The following SUCLG2 variants were observed in gnomAD, a reference collection of about 807,000 sequenced individuals.
The protein encoded by SUCLG2 is succinate--CoA ligase [GDP-forming] subunit beta, mitochondrial.
In SUCLG2, 42 loss-of-function variants were observed where a neutral mutation model predicts 47.9. That is an observed-to-expected ratio of 0.88 (90% CI 0.69 to 1.14). The LOEUF is 1.14. SUCLG2 is among the 50% of genes most tolerant of loss of function. SUCLG2 has a pLI of 0.00. For synonymous variants in SUCLG2, 195 were observed against 197.3 expected (o/e 0.99, Z 0.10); for missense variants, 571 against 525.9 (o/e 1.09, Z -0.84).
intron 9 of SUCLG2, among the ~76,000 whole-genome samples, chr3:67,485,589 C>T (rs1410030220): frequency 6.6e-6 from 1 of 152,042 alleles, no homozygotes; most frequent in East Asian, 1.9e-4. Context: ...ACACATAATG[C>T]TGGAAGAAAA....
Position 67,620,306 on chromosome 3 carries a change from G to A in SUCLG2, c.85-10710C>T, listed in dbSNP as rs192991835. Among the ~76,000 whole-genome samples, 243 of 132,994 alleles carry A rather than the reference G, an allele frequency of 1.8e-3. 2 individuals are homozygous for A. Among genetic ancestry groups the A allele is most frequent in the African/African-American group, 5.5e-3 (175 of 31,534 alleles). 87.2% of individuals were successfully genotyped at this position (132,994 alleles called of 152,430 possible). On this transcript the variant is annotated intron_variant, in intron 1 of 10. Coordinates refer to ENST00000307227, the MANE Select transcript of SUCLG2 (RefSeq NM_003848.4). ...AAAGAAAGACACACATGATGAGGCC[G>A]GGTGCAGTGGCTCACACCCGTTAAC... is the stretch of plus-strand genomic sequence containing the variant.
At chr3:67,454,328 G>A (rs1405355462) in intron 9 of SUCLG2, among the ~76,000 whole-genome samples, 1 of 152,016 alleles carries the variant, frequency 6.6e-6, no homozygotes, top group Admixed American at 6.6e-5. Context: ...ACAGAGTAAA[G>A]GATAGGGTTG....
At chr3:67,414,149 A>G (rs1018762007) in intron 9 of SUCLG2, among the ~76,000 whole-genome samples, 26 of 152,276 alleles carry the variant, frequency 1.7e-4, no homozygotes, top group African/African-American at 6.0e-4. Flanking sequence ...AGCTGAGGGC[A>G]TCTCCCATTT....
intron 9 of SUCLG2, among the ~76,000 whole-genome samples, chr3:67,406,046 C>A (rs1052840326): frequency 1.3e-5 from 2 of 152,252 alleles, no homozygotes; most frequent in African/African-American, 4.8e-5. Flanking sequence ...TCTTTGTGTT[C>A]ATTACCACAA....
At chr3:67,363,326 G>A (rs1288715554) in intron 10 of SUCLG2, among the ~76,000 whole-genome samples, 2 of 152,150 alleles carry the variant, frequency 1.3e-5, no homozygotes, top group Non-Finnish European at 2.9e-5. Context: ...TCCTGGAAAT[G>A]TTTATTCTCA....
rs566733601 is a variant in SUCLG2, at chr3:67,402,001, C to T, written c.1063-1150G>A. 2.9e-4 allele frequency among the ~76,000 whole-genome samples: 44 copies of T among 152,248 alleles called. No individual in the cohort carries two copies. The South Asian group carries it at 6.4e-3, about 22-fold the overall frequency. On this transcript the variant is annotated intron_variant, in intron 9 of 10. Transcript: ENST00000307227. ...CTCTCTAGCTGAGAAAGCCATCGGG[C>T]GCATTGGGGCATGTTGTCCCAAGGT...
intron 2 of SUCLG2, among the ~76,000 whole-genome samples, chr3:67,541,080 A>G (rs550319285): frequency 6.6e-6 from 1 of 152,346 alleles, no homozygotes; most frequent in African/African-American, 2.4e-5. Context: ...AAAGTTAGAT[A>G]AATCCACGAA....
intron 1 of SUCLG2, among the ~76,000 whole-genome samples, chr3:67,649,041 G>A (rs1025524327): frequency 6.6e-6 from 1 of 152,172 alleles, no homozygotes; most frequent in Non-Finnish European, 1.5e-5. Flanking sequence ...GCAGATAAGG[G>A]TACAGAGAAT....
chr3:67,457,340 A>C (rs1704210730), intron 9 of SUCLG2, among the ~76,000 whole-genome samples: 1 of 152,242 alleles, frequency 6.6e-6, no homozygotes, highest in South Asian at 2.1e-4. Context: ...CTAAAGTGAT[A>C]CATGGAAATG....
chr3:67,376,100 T>C (rs941330254), intron 10 of SUCLG2: 26 of 985,362 alleles, frequency 2.6e-5, no homozygotes, highest in Admixed American at 6.1e-5. Context: ...CATATTTTAC[T>C]GATGGAAGCT....
At chr3:67,482,137 G>A (rs1303895713) in intron 9 of SUCLG2, among the ~76,000 whole-genome samples, 1 of 152,086 alleles carries the variant, frequency 6.6e-6, no homozygotes, top group Non-Finnish European at 1.5e-5. Flanking sequence ...CCAAGATCAT[G>A]CCACTGCACT....
chr3:67,512,073 C>G (rs1328157580), intron 6 of SUCLG2, among the ~76,000 whole-genome samples: 1 of 151,032 alleles, frequency 6.6e-6, no homozygotes, highest in Non-Finnish European at 1.5e-5. Context: ...CCAGGCTGCT[C>G]TTGAATTCCT....
chr3:67,483,782 G>A (rs958914177), intron 9 of SUCLG2, among the ~76,000 whole-genome samples: 1 of 152,138 alleles, frequency 6.6e-6, no homozygotes, highest in Admixed American at 6.5e-5. Context: ...TCTTTGCAGA[G>A]CTGCCCCCTG....
At chr3:67,449,389 AG>A (rs1292817646) in intron 9 of SUCLG2, among the ~76,000 whole-genome samples, 1 of 152,208 alleles carries the variant, frequency 6.6e-6, no homozygotes, top group African/African-American at 2.4e-5. Context: ...CAGTGACTAG[AG>A]GAACTATAAA....
chr3:67,386,210 T>C (rs967025006), intron 10 of SUCLG2, among the ~76,000 whole-genome samples: 1 of 151,380 alleles, frequency 6.6e-6, no homozygotes, highest in Non-Finnish European at 1.5e-5. Flanking sequence ...TGCCTCAGCC[T>C]CCCAAGTAGT....
chr3:67,631,372 A>G (rs749872563), intron 1 of SUCLG2, among the ~76,000 whole-genome samples: 10 of 152,116 alleles, frequency 6.6e-5, no homozygotes, highest in Non-Finnish European at 1.3e-4. Context: ...TCATACCTGT[A>G]CTCTCAGCAC....
chr3:67,478,546 C>A (rs1559541282), intron 9 of SUCLG2, among the ~76,000 whole-genome samples: 1 of 152,228 alleles, frequency 6.6e-6, no homozygotes, highest in Non-Finnish European at 1.5e-5. Flanking sequence ...TACCCTTCAA[C>A]AATTCCTTGA....
intron 2 of SUCLG2, among the ~76,000 whole-genome samples, chr3:67,565,985 T>C (rs1468558142): frequency 1.3e-5 from 2 of 152,118 alleles, no homozygotes; most frequent in Non-Finnish European, 2.9e-5. Context: ...TATATTTGAT[T>C]TACTGAGGCA....
At chr3:67,607,118 T>C (rs1183224654) in intron 2 of SUCLG2, among the ~76,000 whole-genome samples, 1 of 152,206 alleles carries the variant, frequency 6.6e-6, no homozygotes, top group Non-Finnish European at 1.5e-5. Context: ...CGCACAACTC[T>C]TTATTTTTAG....
Sources: gnomAD v4.1 joint callset for allele counts (sites outside exome capture counted in the v4.1 genomes callset) on GRCh38, gnomAD v4.1.1 for gene constraint, MANE v1.5 for transcripts, NCBI Gene and HGNC (gene_info 2026-07-23, HGNC 2026-07-21) for gene names.